MCC: variants seen among roughly 807,000 people sequenced by gnomAD.
The protein encoded by MCC is colorectal mutant cancer protein.
In MCC, 90 loss-of-function variants were observed where a neutral mutation model predicts 116.2. The observed-to-expected ratio is 0.77, with a 90% CI of 0.65 to 0.92. MCC has a LOEUF of 0.92. Among genes scored for constraint, MCC ranks in the 40% least tolerant of loss-of-function variants. MCC has a pLI of 0.00. For missense variants in MCC, 1,516 were observed against 1,312.2 expected, an observed-to-expected ratio of 1.16 and a Z score of -2.40; for synonymous variants, 578 against 510.5, an observed-to-expected ratio of 1.13 and a Z score of -1.78.
At chr5:113,254,705 G>C (rs192404372) in intron 3 of MCC, among the ~76,000 whole-genome samples, 13 of 152,248 alleles carry the variant, frequency 8.5e-5, no homozygotes, top group Admixed American at 3.3e-4. Flanking sequence ...CCATCTTTAT[G>C]GTGCATTTAT....
At chr5:113,225,899 G>A (rs1402431524) in intron 3 of MCC, among the ~76,000 whole-genome samples, 8 of 152,394 alleles carry the variant, frequency 5.2e-5, no homozygotes, top group African/African-American at 4.8e-5. Flanking sequence ...TGGGCCAGGC[G>A]TGGTGGCTCA....
intron 3 of MCC, among the ~76,000 whole-genome samples, chr5:113,258,038 G>T (rs1765085251): frequency 6.6e-6 from 1 of 152,114 alleles, no homozygotes; most frequent in Non-Finnish European, 1.5e-5. Flanking sequence ...GAAGTGAGCA[G>T]AATTGAGAGA....
intron 3 of MCC, among the ~76,000 whole-genome samples, chr5:113,269,666 A>G (rs1402479733): frequency 6.6e-6 from 1 of 152,188 alleles, no homozygotes; most frequent in Non-Finnish European, 1.5e-5. Context: ...AGCACTGCCA[A>G]AATGTCAATA....
chr5:113,161,620 ATGTGTGTGTGTG>A (rs57962617), intron 3 of MCC, among the ~76,000 whole-genome samples: 9,384 of 148,392 alleles, frequency 0.063, 394 homozygotes, highest in East Asian at 0.12. Flanking sequence ...GTTTAGATTT[ATGTGTGTGTGTG>A]TGTGTGTGTG....
intron 14 of MCC, among the ~76,000 whole-genome samples, chr5:113,058,396 G>A (rs187126972): frequency 3.9e-5 from 6 of 152,238 alleles, no homozygotes; most frequent in South Asian, 4.1e-4. Flanking sequence ...TGCACATTCC[G>A]GGGCCTGCTG....
At chr5:113,072,047 G>C (rs1754077933) in intron 11 of MCC, among the ~76,000 whole-genome samples, 2 of 152,180 alleles carry the variant, frequency 1.3e-5, no homozygotes, top group Admixed American at 6.5e-5. Context: ...TGAATAATAT[G>C]ATCCTTCAGC....
At chr5:113,053,583 C>T in intron 15 of MCC, 142 bp downstream of exon 15, 2 of 617,174 alleles carry the variant, frequency 3.2e-6, no homozygotes, top group South Asian at 4.0e-5. Flanking sequence ...CATAGTGAAA[C>T]CAGCTCTGTC....
At chr5:113,286,683 A>T (rs1766275395) in intron 3 of MCC, among the ~76,000 whole-genome samples, 2 of 152,218 alleles carry the variant, frequency 1.3e-5, no homozygotes, top group South Asian at 4.1e-4. Flanking sequence ...AACAAACTCA[A>T]CATATGGTTT....
intron 14 of MCC, among the ~76,000 whole-genome samples, chr5:113,054,209 A>G (rs1166712318): frequency 1.3e-5 from 2 of 152,246 alleles, no homozygotes; most frequent in Non-Finnish European, 2.9e-5. Context: ...TTCTAAGGAA[A>G]TAATTCCACA....
chr5:113,433,519 C>T (rs1770733355), intron 1 of MCC: 3 of 629,216 alleles, frequency 4.8e-6, no homozygotes, highest in East Asian at 5.5e-5. Context: ...GAGTAGGAGT[C>T]GCACGACTGT....
intron 3 of MCC, among the ~76,000 whole-genome samples, chr5:113,226,050 C>A (rs911167284): frequency 2.6e-5 from 4 of 152,228 alleles, no homozygotes; most frequent in African/African-American, 7.2e-5. Context: ...GTGGCAGGTG[C>A]CTGTAATTCC....
chr5:113,135,382 G>A (rs13163484), intron 5 of MCC, among the ~76,000 whole-genome samples: 120,503 of 146,158 alleles, frequency 0.82, 50,116 homozygotes, highest in Non-Finnish European at 0.91. Flanking sequence ...GTGAAACACC[G>A]TCTCTACTAA....
intron 13 of MCC, among the ~76,000 whole-genome samples, chr5:113,065,888 C>T (rs984293038): frequency 6.6e-6 from 1 of 152,180 alleles, no homozygotes; most frequent in Non-Finnish European, 1.5e-5. Flanking sequence ...ATCAAGCCTG[C>T]CCTCAGTACT....
At chr5:113,482,743 TA>T (rs1205141914) in intron 1 of MCC, among the ~76,000 whole-genome samples, 1 of 152,170 alleles carries the variant, frequency 6.6e-6, no homozygotes, top group Non-Finnish European at 1.5e-5. Flanking sequence ...AGCATAAACT[TA>T]AAAAATTTGC....
At chr5:113,433,434 G>C (rs1580368475) in intron 1 of MCC, 2 of 594,770 alleles carry the variant, frequency 3.4e-6, no homozygotes, top group Admixed American at 2.5e-5. Context: ...CTGTCACTGA[G>C]CCGTTGCGGC....
chr5:113,185,494 T>C (rs1483036292), intron 3 of MCC, among the ~76,000 whole-genome samples: 1 of 152,182 alleles, frequency 6.6e-6, no homozygotes, highest in Non-Finnish European at 1.5e-5. Context: ...CCTGGACACA[T>C]GATGTCCCAA....
At position 113,186,121 on chromosome 5, in the gene MCC, C is replaced by T. The variant is rs146469969; in HGVS notation, c.628-34699G>A. ...GCAGCATAGAGGTCCCTGGGATTTC[C>T]GGGGTATTAACATGCCTGTGCGGCA... On this transcript the variant is annotated intron_variant, in intron 3 of 18. Transcript: ENST00000408903. 6.8e-4 allele frequency among the ~76,000 whole-genome samples: 103 copies of T among 152,208 alleles called. 1 individual carries two copies. The highest frequency in any genetic ancestry group is 2.4e-3 in the African/African-American group (101 of 41,516).
chr5:113,469,283 G>A (rs184943864), intron 1 of MCC, among the ~76,000 whole-genome samples: 23 of 152,026 alleles, frequency 1.5e-4, no homozygotes, highest in South Asian at 1.5e-3. Context: ...TTAGGGTGTC[G>A]ATTTTAGATC....
At chr5:113,393,507 G>C (rs1415941350) in intron 1 of MCC, among the ~76,000 whole-genome samples, 1 of 152,102 alleles carries the variant, frequency 6.6e-6, no homozygotes, top group African/African-American at 2.4e-5. Context: ...GAGAGCATCT[G>C]GTTATTTTCC....
Sources: allele counts gnomAD v4.1 joint callset (sites outside exome capture counted in the v4.1 genomes callset), GRCh38; gene constraint gnomAD v4.1.1; transcripts MANE v1.5; gene names NCBI Gene and HGNC (gene_info 2026-07-23, HGNC 2026-07-21).